Variants in CCSER1 observed in about 807,000 individuals in gnomAD.
CCSER1 encodes the protein coiled-coil serine rich protein 1.
CCSER1 carries 41 observed loss-of-function variants against 82.0 expected under a neutral mutation model. That is an observed-to-expected ratio of 0.50 (90% CI 0.39 to 0.65). The LOEUF is 0.65. Among genes scored for constraint, CCSER1 ranks in the 30% least tolerant of loss-of-function variants. The probability of loss-of-function intolerance (pLI) is 0.00; values close to 1 mark genes in which losing one functional copy is unlikely to be tolerated. For missense variants in CCSER1, 1,119 were observed against 1,064.2 expected, an observed-to-expected ratio of 1.05 and a Z score of -0.72; for synonymous variants, 414 against 383.9, an observed-to-expected ratio of 1.08 and a Z score of -0.92.
intron 9 of CCSER1, among the ~76,000 whole-genome samples, chr4:90,991,004 C>T (rs1381298): frequency 6.6e-6 from 1 of 151,856 alleles, no homozygotes; most frequent in Admixed American, 6.6e-5. Context: ...CCAAGCTTAC[C>T]CTTTCAAAGA....
rs564000605 is a variant in CCSER1, at chr4:90,408,971, T to G, written c.1603+8842T>G. Among the ~76,000 whole-genome samples the G allele has an allele frequency of 2.5e-3, 374 of 152,268 alleles. 7 individuals are homozygous for G. The highest frequency in any genetic ancestry group is 8.5e-3 in the African/African-American group (355 of 41,558). On this transcript the variant is annotated intron_variant, in intron 4 of 10. Transcript: ENST00000509176. ...GAGCTGAAAACCACAGCAGGAGAAC[T>G]ACGTGATGAATGCACAAGCCTCAGT...
At chr4:91,082,016 C>T (rs1045315589) in intron 9 of CCSER1, among the ~76,000 whole-genome samples, 2 of 152,156 alleles carry the variant, frequency 1.3e-5, no homozygotes, top group Non-Finnish European at 2.9e-5. Flanking sequence ...TCAATGCCAT[C>T]CCCATCAAGC....
At chr4:90,327,008 A>T (rs1006338675) in intron 3 of CCSER1, among the ~76,000 whole-genome samples, 1 of 152,232 alleles carries the variant, frequency 6.6e-6, no homozygotes, top group African/African-American at 2.4e-5. Context: ...ATATTCTGCC[A>T]AAAGCAGTAT....
intron 9 of CCSER1, among the ~76,000 whole-genome samples, chr4:90,978,630 G>C (rs1735824507): frequency 6.6e-6 from 1 of 151,756 alleles, no homozygotes; most frequent in Non-Finnish European, 1.5e-5. Context: ...ATGAATCAGA[G>C]TGAGATTGAA....
chr4:90,185,719 A>G (rs1467165855), intron 1 of CCSER1, among the ~76,000 whole-genome samples: 1 of 152,086 alleles, frequency 6.6e-6, no homozygotes, highest in Admixed American at 6.6e-5. Flanking sequence ...AATACAGTAT[A>G]TAAATCTCTC....
intron 7 of CCSER1, among the ~76,000 whole-genome samples, chr4:90,754,820 A>T (rs535886731): frequency 1.3e-5 from 2 of 152,156 alleles, no homozygotes; most frequent in African/African-American, 2.4e-5. Context: ...CTTAAACCCT[A>T]TTGAATTTAA....
At chr4:90,312,241 A>G (rs73832743) in intron 2 of CCSER1, among the ~76,000 whole-genome samples, 20,638 of 152,132 alleles carry the variant, frequency 0.14, 1,632 homozygotes, top group East Asian at 0.3. Flanking sequence ...GTGTGGCATG[A>G]GCAGAGTGAT....
In CCSER1 at chr4:90,218,236, T is replaced by C. The variant is rs1578553183; in HGVS notation, c.-41-90008T>C. Among the ~76,000 whole-genome samples the C allele has an allele frequency of 7.2e-5, 11 of 152,348 alleles. 1 individual carries two copies. The South Asian group carries it at 2.3e-3, about 32-fold the overall frequency. ...CATATGCTGAATCACATTTATTTAT[T>C]TGAGTATGTTGAACCAACCTTACAT... On this transcript the variant is annotated intron_variant, in intron 1 of 10. Transcript: ENST00000509176.
chr4:90,855,668 G>A (rs186350845), intron 8 of CCSER1, among the ~76,000 whole-genome samples: 36 of 151,988 alleles, frequency 2.4e-4, no homozygotes, highest in African/African-American at 8.0e-4. Flanking sequence ...TTTTTTCTTG[G>A]AGATAAGTGA....
chr4:91,247,739 C>T lies in CCSER1; in HGVS notation c.2217+161745C>T, dbSNP rs552965950. On this transcript the variant is annotated intron_variant, in intron 10 of 10. Coordinates refer to ENST00000509176, the MANE Select transcript of CCSER1 (RefSeq NM_001145065.2). Reference sequence around the variant, plus strand: ...AAAAAATTAGCCGGGTGTGGTGGTGCGTGTCTGCAGTCCCAGCTACTTGGG... The same window carrying T: ...AAAAAATTAGCCGGGTGTGGTGGTGTGTGTCTGCAGTCCCAGCTACTTGGG... 1.5e-4 allele frequency among the ~76,000 whole-genome samples: 23 copies of T among 152,088 alleles called. No individual in the cohort carries two copies. The South Asian group carries it at 2.7e-3, about 18-fold the overall frequency.
intron 9 of CCSER1, among the ~76,000 whole-genome samples, chr4:91,079,817 AAAG>A (rs1722489768): frequency 6.6e-6 from 1 of 152,228 alleles, no homozygotes; most frequent in Non-Finnish European, 1.5e-5. Flanking sequence ...CAAAAGAGAC[AAAG>A]AAGACCTATG....
Position 90,762,568 on chromosome 4 carries a change from G to A in CCSER1, c.2010+38577G>A, listed in dbSNP as rs181992876. Among the ~76,000 whole-genome samples, 79 of 152,160 alleles carry A rather than the reference G, an allele frequency of 5.2e-4. 1 individual carries two copies. In the Middle Eastern group the frequency reaches 0.02, roughly 39 times the overall value. ...ACCAACCAAAACAGTTCTCTACAGC[G>A]TAGCCATAGTTATCACTTACAAATA... On this transcript the variant is annotated intron_variant, in intron 7 of 10. Transcript: ENST00000509176.
At chr4:90,588,630 A>G (rs996891628) in intron 5 of CCSER1, among the ~76,000 whole-genome samples, 11 of 151,982 alleles carry the variant, frequency 7.2e-5, no homozygotes, top group Non-Finnish European at 1.5e-4. Context: ...ACAGAATCTC[A>G]TCTTGAATTG....
intron 1 of CCSER1, among the ~76,000 whole-genome samples, chr4:90,272,254 G>A (rs1726678642): frequency 6.6e-6 from 1 of 152,028 alleles, no homozygotes; most frequent in African/African-American, 2.4e-5. Context: ...TGGTCAAACG[G>A]TCTGAATAGA....
At chr4:91,149,433 A>G (rs574751710) in intron 10 of CCSER1, among the ~76,000 whole-genome samples, 15 of 152,198 alleles carry the variant, frequency 9.9e-5, no homozygotes, top group Middle Eastern at 6.8e-3. Flanking sequence ...TAGGTTGCCT[A>G]TTCACTCTGA....
intron 7 of CCSER1, among the ~76,000 whole-genome samples, chr4:90,746,811 A>C (rs1747557918): frequency 1.3e-5 from 2 of 152,226 alleles, no homozygotes; most frequent in African/African-American, 4.8e-5. Context: ...TTAATACACC[A>C]GACTATTGTC....
chr4:91,377,708 A>G (rs1750538207), intron 10 of CCSER1, among the ~76,000 whole-genome samples: 1 of 151,916 alleles, frequency 6.6e-6, no homozygotes, highest in South Asian at 2.1e-4. Context: ...TTGCCTGTTC[A>G]CTCTGATGGT....
At chr4:90,370,968 C>CTTAGAT (rs1747293619) in intron 3 of CCSER1, among the ~76,000 whole-genome samples, 1 of 151,850 alleles carries the variant, frequency 6.6e-6, no homozygotes, top group Admixed American at 6.6e-5. Flanking sequence ...GTTAGTGATT[C>CTTAGAT]TTAGATTTTC....
At chr4:91,394,532 G>T (rs1195216427) in intron 10 of CCSER1, among the ~76,000 whole-genome samples, 1 of 151,968 alleles carries the variant, frequency 6.6e-6, no homozygotes, top group Admixed American at 6.6e-5. Context: ...GGGCATTTGG[G>T]AACTAGGAGT....
Sources: allele counts gnomAD v4.1 joint callset (sites outside exome capture counted in the v4.1 genomes callset), GRCh38; gene constraint gnomAD v4.1.1; transcripts MANE v1.5; gene names NCBI Gene and HGNC (gene_info 2026-07-23, HGNC 2026-07-21).